Variants in GRIN2B observed in about 807,000 individuals in gnomAD.
The protein encoded by GRIN2B is glutamate ionotropic receptor NMDA type subunit 2B.
In GRIN2B, 5 loss-of-function variants were observed where a neutral mutation model predicts 114.5. The ratio of observed to expected loss-of-function variants is 0.04; its 90% confidence interval spans 0.02 to 0.09. GRIN2B has a LOEUF of 0.09. GRIN2B is among the 10% of genes least tolerant of loss of function. The probability of loss-of-function intolerance (pLI) is 1.00; values close to 1 mark genes in which losing one functional copy is unlikely to be tolerated. For missense variants in GRIN2B, 1,108 were observed against 1,943.5 expected (o/e 0.57, Z 8.08); for synonymous variants, 787 against 745.1 (o/e 1.06, Z -0.92).
rs78381461 is a variant in GRIN2B at position 13,837,916 on chromosome 12, C to T, written c.411+27882G>A. On this transcript the variant is annotated intron_variant, in intron 3 of 13. Transcript: ENST00000609686. ...TCCTACCTCCCTGCCTCCCTAGGAGCGGCCATGGGCACACTGCGTTTCTAA... is the reference window on the plus strand; with the variant it reads ...TCCTACCTCCCTGCCTCCCTAGGAGTGGCCATGGGCACACTGCGTTTCTAA... 2.9e-3 allele frequency among the ~76,000 whole-genome samples: 435 copies of T among 152,214 alleles called. 2 individuals are homozygous for T. The highest frequency in any genetic ancestry group is 9.4e-3 in the African/African-American group (392 of 41,562).
chr12:13,945,200 C>T (rs890476117), intron 2 of GRIN2B, among the ~76,000 whole-genome samples: 1 of 152,152 alleles, frequency 6.6e-6, no homozygotes, highest in African/African-American at 2.4e-5. Context: ...CACACAGGCC[C>T]ACAAAGCAAA....
intron 3 of GRIN2B, among the ~76,000 whole-genome samples, chr12:13,829,469 G>A (rs748349421): frequency 2.6e-5 from 4 of 152,146 alleles, no homozygotes; most frequent in Admixed American, 6.5e-5. Context: ...AGATGGTGCG[G>A]GAATTGAGCC....
Position 13,545,963 on chromosome 12 carries a change from C to T in GRIN2B, c.*16820G>A, listed in dbSNP as rs1345413116. 3 of 152,082 alleles carry T rather than the reference C, an allele frequency of 2.0e-5. No homozygotes were observed. Among genetic ancestry groups the T allele is most frequent in the Non-Finnish European group, 4.4e-5 (3 of 68,018 alleles). The allele number at this position is 152,082 out of a possible 1,614,324, so 9.4% of individuals were successfully genotyped here. ...CAGGATTAAATCAATCTGTAAAATG[C>T]CTATTTGTAATCGAATCTAGCAATT... is the stretch of plus-strand genomic sequence containing the variant. On this transcript the variant is annotated 3_prime_UTR_variant, in exon 14 of 14. Coordinates refer to ENST00000609686, the MANE Select transcript of GRIN2B (RefSeq NM_000834.5).
intron 4 of GRIN2B, among the ~76,000 whole-genome samples, chr12:13,695,932 T>G (rs1189928558): frequency 6.6e-6 from 1 of 151,960 alleles, no homozygotes. Context: ...ACATGTGAAA[T>G]GTAGTGGATT....
chr12:13,813,034 G>A (rs1864762913), intron 3 of GRIN2B, among the ~76,000 whole-genome samples: 1 of 149,846 alleles, frequency 6.7e-6, no homozygotes, highest in Admixed American at 6.7e-5. Flanking sequence ...CCGCCTCCCG[G>A]GTTCAAGCAA....
At chr12:13,660,725 G>C (rs1027310749) in intron 5 of GRIN2B, among the ~76,000 whole-genome samples, 1 of 152,188 alleles carries the variant, frequency 6.6e-6, no homozygotes, top group Non-Finnish European at 1.5e-5. Context: ...TCGCCAAAAA[G>C]AGACTAAGCA....
At chr12:13,801,065 C>T (rs1434103810) in intron 3 of GRIN2B, among the ~76,000 whole-genome samples, 3 of 152,150 alleles carry the variant, frequency 2.0e-5, no homozygotes, top group Non-Finnish European at 4.4e-5. Context: ...ATTTATAAAA[C>T]TGTCTGTCCC....
chr12:13,747,783 C>T (rs1452139993), intron 4 of GRIN2B, among the ~76,000 whole-genome samples: 4 of 152,238 alleles, frequency 2.6e-5, no homozygotes, highest in African/African-American at 9.6e-5. Flanking sequence ...TGTGCTGGCA[C>T]TCATCGAACA....
At chr12:13,684,439 T>G (rs563866844) in intron 4 of GRIN2B, among the ~76,000 whole-genome samples, 3 of 152,284 alleles carry the variant, frequency 2.0e-5, no homozygotes, top group Admixed American at 2.0e-4. Context: ...CTCATTTAGC[T>G]CTACGCACAG....
At chr12:13,777,128 C>T (rs753234345) in intron 3 of GRIN2B, among the ~76,000 whole-genome samples, 24 of 152,144 alleles carry the variant, frequency 1.6e-4, no homozygotes, top group Non-Finnish European at 3.5e-4. Context: ...AAGTAAGAAT[C>T]GCTTCTGAAT....
chr12:13,581,823 T>C (rs1673129167), intron 10 of GRIN2B, among the ~76,000 whole-genome samples: 1 of 151,268 alleles, frequency 6.6e-6, no homozygotes, highest in South Asian at 2.1e-4. Context: ...GGCAGGAGGA[T>C]TGCTTGAACT....
chr12:13,820,447 G>A (rs1864912527), intron 3 of GRIN2B, among the ~76,000 whole-genome samples: 2 of 152,124 alleles, frequency 1.3e-5, no homozygotes, highest in Non-Finnish European at 2.9e-5. Flanking sequence ...ATACAACAGT[G>A]AGTAAAACAC....
Position 13,678,220 on chromosome 12 carries a change from C to T in GRIN2B, c.1011-2361G>A, listed in dbSNP as rs113868758. Reference sequence around the variant, plus strand: ...AGGTGAACATTGCTAAGTGAAAATGCTATATAAACTGCATGCATTTTACAA... The same window carrying T: ...AGGTGAACATTGCTAAGTGAAAATGTTATATAAACTGCATGCATTTTACAA... On this transcript the variant is annotated intron_variant, in intron 4 of 13. Coordinates refer to ENST00000609686, the MANE Select transcript of GRIN2B (RefSeq NM_000834.5). Among the ~76,000 whole-genome samples the T allele has an allele frequency of 4.7e-3, 715 of 152,206 alleles. 12 individuals are homozygous for T. The highest frequency in any genetic ancestry group is 0.016 in the African/African-American group (660 of 41,542).
chr12:13,649,464 A>G (rs1420044682), intron 5 of GRIN2B, among the ~76,000 whole-genome samples: 1 of 152,102 alleles, frequency 6.6e-6, no homozygotes, highest in Non-Finnish European at 1.5e-5. Context: ...TCATAGTAAA[A>G]TATGTTGGAT....
intron 3 of GRIN2B, among the ~76,000 whole-genome samples, chr12:13,807,743 G>A (rs1864634880): frequency 8.2e-6 from 1 of 121,866 alleles, no homozygotes. Flanking sequence ...TTTGTAGTCA[G>A]GCAAGTCACA....
chr12:13,955,286 C>T (rs542645626), intron 2 of GRIN2B, among the ~76,000 whole-genome samples: 9 of 152,264 alleles, frequency 5.9e-5, no homozygotes, highest in African/African-American at 1.9e-4. Context: ...CATGCTATTT[C>T]TTGTAGCAGG....
intron 5 of GRIN2B, among the ~76,000 whole-genome samples, chr12:13,623,053 A>G (rs1329662563): frequency 6.6e-6 from 1 of 152,226 alleles, no homozygotes; most frequent in Admixed American, 6.5e-5. Flanking sequence ...ATATACAAAG[A>G]AGGGGATTTG....
intron 3 of GRIN2B, among the ~76,000 whole-genome samples, chr12:13,853,012 C>T (rs1348332486): frequency 6.6e-6 from 1 of 152,140 alleles, no homozygotes; most frequent in East Asian, 1.9e-4. Flanking sequence ...CACTTGAAGG[C>T]CTTCACACCT....
intron 3 of GRIN2B, among the ~76,000 whole-genome samples, chr12:13,841,164 G>T (rs1865371962): frequency 6.6e-6 from 1 of 152,150 alleles, no homozygotes; most frequent in East Asian, 1.9e-4. Flanking sequence ...AAGACAACTT[G>T]ATGAGCCCCA....
Sources: gnomAD v4.1 joint callset for allele counts (sites outside exome capture counted in the v4.1 genomes callset) on GRCh38, gnomAD v4.1.1 for gene constraint, MANE v1.5 for transcripts, NCBI Gene and HGNC (gene_info 2026-07-23, HGNC 2026-07-21) for gene names.